EPB41L3: variants seen among roughly 807,000 people sequenced by gnomAD.
EPB41L3 encodes the protein band 4.1-like protein 3.
Under a neutral mutation model 127.1 loss-of-function variants are expected in EPB41L3, and 57 were observed. The ratio of observed to expected loss-of-function variants is 0.45; its 90% CI spans 0.36 to 0.56. The LOEUF (loss-of-function observed/expected upper bound fraction) is 0.56, where lower values mean the gene tolerates loss of function less well. Among genes scored for constraint, EPB41L3 ranks in the 20% least tolerant of loss-of-function variants. The pLI, the probability that EPB41L3 is intolerant of heterozygous loss-of-function variation, is 0.00. For synonymous variants in EPB41L3, 572 were observed against 549.5 expected (o/e 1.04, Z -0.57); for missense variants, 1,273 against 1,372.2 (o/e 0.93, Z 1.14).
chr18:5,443,712 C>A, intron 5 of EPB41L3, 126 bp downstream of exon 5: 1 of 681,492 alleles, frequency 1.5e-6, no homozygotes, highest in Admixed American at 3.2e-5. Flanking sequence ...TCGGAATTGC[C>A]AGATCAAATT....
At chr18:5,401,134 CTCTA>C (rs777511324) in intron 16 of EPB41L3, 47 of 639,014 alleles carry the variant, frequency 7.4e-5, no homozygotes, top group Admixed American at 1.5e-4. Flanking sequence ...ATTGTATTAT[CTCTA>C]TCTATCTATC....
chr18:5,482,048 C>A (rs2088661695), intron 2 of EPB41L3, among the ~76,000 whole-genome samples: 1 of 152,144 alleles, frequency 6.6e-6, no homozygotes, highest in Admixed American at 6.5e-5. Flanking sequence ...TCCAACCCTA[C>A]AAGATGGCGA....
At chr18:5,457,877 G>A (rs1172675668) in intron 3 of EPB41L3, among the ~76,000 whole-genome samples, 1 of 152,124 alleles carries the variant, frequency 6.6e-6, no homozygotes, top group East Asian at 1.9e-4. Flanking sequence ...TACATCTCAG[G>A]GAAGCTGTTT....
At chr18:5,628,770 G>C in intron 1 of EPB41L3, among the ~76,000 whole-genome samples, 1 of 151,862 alleles carries the variant, frequency 6.6e-6, no homozygotes, top group East Asian at 1.9e-4. Context: ...CGGCGCCAGG[G>C]CGGTCACCGA....
rs1265457248 is a variant in EPB41L3, at chr18:5,489,083, G to A, written c.101C>T (p.Pro34Leu). The change falls in exon 2 of 23, where the codon CCG becomes CTG. Residue 34 changes from proline (P) to leucine (L), a missense_variant. This residue lies in a region of EPB41L3 where 182 missense variants were observed against 149.2 expected (regional missense o/e 1.22). Transcript: ENST00000341928. ...CTGCTGCTCCTCCTTGGGCGGCTCC[G>A]GCACGGGCGCCCCCGCGCGCCCCTG... Reference protein sequence around the residue: ...GAQGRAGAPVPEPPKEEQQQA... With the variant: ...GAQGRAGAPVLEPPKEEQQQA... 3.1e-6 allele frequency: 5 copies of A among 1,593,480 alleles called. No homozygotes were observed. The highest frequency in any genetic ancestry group is 2.3e-5 in the East Asian group (1 of 43,946).
chr18:5,541,560 T>C (rs1233422628), intron 1 of EPB41L3, among the ~76,000 whole-genome samples: 1 of 152,208 alleles, frequency 6.6e-6, no homozygotes, highest in East Asian at 1.9e-4. Flanking sequence ...GCCTCTCTTC[T>C]ACCTAGGTGG....
chr18:5,498,268 T>C (rs1018873826), intron 1 of EPB41L3, among the ~76,000 whole-genome samples: 1 of 152,230 alleles, frequency 6.6e-6, no homozygotes, highest in Non-Finnish European at 1.5e-5. Flanking sequence ...GCTGTGCTTA[T>C]AGCAGTTCAT....
At chr18:5,468,672 A>C (rs904819789) in intron 3 of EPB41L3, among the ~76,000 whole-genome samples, 3 of 152,118 alleles carry the variant, frequency 2.0e-5, no homozygotes, top group Non-Finnish European at 4.4e-5. Context: ...GAAAAGAGCT[A>C]CCCGCAGAGG....
At chr18:5,541,994 T>C (rs2093743393) in intron 1 of EPB41L3, among the ~76,000 whole-genome samples, 2 of 152,250 alleles carry the variant, frequency 1.3e-5, no homozygotes, top group South Asian at 2.1e-4. Context: ...AAAACCATAA[T>C]GCAAATGAGA....
At chr18:5,452,063 C>T (rs1481874498) in intron 3 of EPB41L3, among the ~76,000 whole-genome samples, 2 of 152,056 alleles carry the variant, frequency 1.3e-5, no homozygotes, top group Admixed American at 6.6e-5. Context: ...CATGGTCACT[C>T]GAACTCCCTG....
chr18:5,469,971 C>T (rs567906123), intron 3 of EPB41L3, among the ~76,000 whole-genome samples: 37 of 152,044 alleles, frequency 2.4e-4, no homozygotes, highest in African/African-American at 7.5e-4. Flanking sequence ...ATAGAGACAG[C>T]GTTTCACCAT....
chr18:5,440,427 A>T (rs1335818949), intron 5 of EPB41L3, among the ~76,000 whole-genome samples: 1 of 152,210 alleles, frequency 6.6e-6, no homozygotes, highest in Non-Finnish European at 1.5e-5. Context: ...AAGCTCAAAT[A>T]CATATCCCCA....
chr18:5,496,007 T>C (rs192476403), intron 1 of EPB41L3, among the ~76,000 whole-genome samples: 70 of 152,322 alleles, frequency 4.6e-4, no homozygotes, highest in Non-Finnish European at 8.2e-4. Flanking sequence ...CACCACTGTG[T>C]GGGTCAGGCT....
intron 6 of EPB41L3, among the ~76,000 whole-genome samples, chr18:5,437,160 G>GA (rs1293170516): frequency 2.6e-5 from 4 of 152,114 alleles, no homozygotes; most frequent in Non-Finnish European, 5.9e-5. Flanking sequence ...CCATATGTTC[G>GA]AATCCTACCC....
chr18:5,516,126 A>G (rs1432561181), intron 1 of EPB41L3, among the ~76,000 whole-genome samples: 2 of 152,204 alleles, frequency 1.3e-5, no homozygotes, highest in South Asian at 2.1e-4. Flanking sequence ...CCTTGATCCA[A>G]GCACCACATC....
chr18:5,554,948 C>T (rs1226015186), intron 3 of EPB41L3, among the ~76,000 whole-genome samples: 4 of 152,182 alleles, frequency 2.6e-5, no homozygotes, highest in African/African-American at 7.2e-5. Flanking sequence ...AATACTTTTA[C>T]GGGGCTGTTG....
chr18:5,612,547 A>C (rs952689629), intron 2 of EPB41L3: 27 of 152,254 alleles, frequency 1.8e-4, no homozygotes, highest in African/African-American at 6.5e-4. Context: ...CTGATAATGA[A>C]TGGTGAATGT....
At position 5,434,035 on chromosome 18, in the gene EPB41L3, T is replaced by C. The variant is rs755535084; in HGVS notation, c.692A>G (p.Tyr231Cys). Residue 231 changes from tyrosine to cysteine, a missense_variant, in exon 7 of 23, where the codon TAC becomes TGC. Physicochemically the swap from Tyr to Cys is radical, Grantham distance 194 (BLOSUM62 -2). This residue lies in a region of EPB41L3 where 326 missense variants were observed against 440.2 expected (regional missense o/e 0.74). Coordinates refer to ENST00000341928, the MANE Select transcript of EPB41L3 (RefSeq NM_012307.5). Reference sequence around the variant, plus strand: ...GTCTCCGAGCTCTGACTGGACAGTGTAGGAGCCCAGCAAGGCCAGGGTAAC... The same window carrying C: ...GTCTCCGAGCTCTGACTGGACAGTGCAGGAGCCCAGCAAGGCCAGGGTAAC... The part of the protein sequence containing the change: ...SFVTLALLGS[Y>C]TVQSELGDYD... 3.1e-6 allele frequency: 5 copies of C among 1,614,148 alleles called. No homozygotes were observed. Among genetic ancestry groups the C allele is most frequent in the South Asian group, 1.1e-5 (1 of 91,082 alleles).
At chr18:5,563,295 A>T (rs894826734) in intron 3 of EPB41L3, among the ~76,000 whole-genome samples, 4 of 152,216 alleles carry the variant, frequency 2.6e-5, no homozygotes, top group African/African-American at 9.6e-5. Flanking sequence ...AATGGATTGT[A>T]GTCAGGGGAG....
Sources: allele counts gnomAD v4.1 joint callset (sites outside exome capture counted in the v4.1 genomes callset), GRCh38; gene constraint gnomAD v4.1.1; regional missense constraint gnomAD v4.1.1; transcripts MANE v1.5; gene names NCBI Gene and HGNC (gene_info 2026-07-23, HGNC 2026-07-21).